Variants in RNF168 observed in about 807,000 individuals in gnomAD.
RNF168 encodes the protein ring finger protein 168, also known as E3 ubiquitin-protein ligase RNF168.
RNF168 carries 34 observed loss-of-function variants against 34.9 expected under a neutral mutation model. The ratio of observed to expected loss-of-function variants is 0.97; its 90% CI spans 0.74 to 1.30. The LOEUF (loss-of-function observed/expected upper bound fraction) is 1.30. RNF168 is among the 50% of genes most tolerant of loss of function. The pLI, the probability that RNF168 is intolerant of heterozygous loss-of-function variation, is 0.00. For missense variants in RNF168, 725 were observed against 682.5 expected (o/e 1.06, Z -0.69); for synonymous variants, 264 against 254.7 (o/e 1.04, Z -0.35).
chr3:196,485,986 G>A (rs1732413237), intron 3 of RNF168, among the ~76,000 whole-genome samples: 1 of 152,110 alleles, frequency 6.6e-6, no homozygotes, highest in Non-Finnish European at 1.5e-5. Context: ...ATGAGAGTTT[G>A]TATTTCAACA....
intron 5 of RNF168, among the ~76,000 whole-genome samples, chr3:196,474,583 G>A (rs144354637): frequency 3.0e-4 from 45 of 152,088 alleles, no homozygotes; most frequent in African/African-American, 1.1e-3. Flanking sequence ...AAGTAGCTGG[G>A]ATTACAGGCA....
rs559838016 is a variant in RNF168 at position 196,472,462 on chromosome 3, G to A, written c.1073C>T (p.Thr358Ile). Reference protein sequence around the residue: ...CGRTESGCAPTSGVTQTNGNN... With the variant: ...CGRTESGCAPISGVTQTNGNN... The stretch of plus-strand genomic sequence containing the variant: ...TCCATTTGTCTGTGTCACCCCTGAT[G>A]TGGGGGCGCACCCACTTTCTGTTCT... The change falls in exon 6 of 6, where the codon ACA becomes ATA. Residue 358 changes from threonine (T) to isoleucine (I), a missense_variant. Thr to Ile is a moderately conservative substitution (Grantham distance 89). Coordinates refer to ENST00000318037, the MANE Select transcript of RNF168 (RefSeq NM_152617.4). 2.5e-6 allele frequency: 4 copies of A among 1,614,152 alleles called. No individual in the cohort carries two copies. Among genetic ancestry groups the A allele is most frequent in the African/African-American group, 2.7e-5 (2 of 75,044 alleles).
Position 196,472,569 on chromosome 3 carries a change from C to G in RNF168, c.966G>C (p.Gly322=). The G allele has an allele frequency of 6.2e-7, 1 of 1,614,242 alleles. No individual in the cohort carries two copies. The highest frequency in any genetic ancestry group is 8.5e-7 in the Non-Finnish European group (1 of 1,180,044). The part of the protein sequence containing the change: ...GNVKTRPSNH[G]KELCVLSHER... ...CGTGACTTAAGACACATAACTCTTT[C>G]CCATGATTGCTTGGTCTTGTTTTGA... The change falls in exon 6 of 6, where the codon GGG becomes GGC. Residue 322 remains glycine (G), a synonymous_variant. Transcript: ENST00000318037.
At chr3:196,487,705 T>A in intron 2 of RNF168, 127 bp from the exon 3 acceptor site, 1 of 909,760 alleles carries the variant, frequency 1.1e-6, no homozygotes. Context: ...TCAAATGAAG[T>A]ACAAATCTGG....
Position 196,503,033 on chromosome 3 carries a change from C to T in RNF168, c.141G>A (p.Ala47=), listed in dbSNP as rs1375077200. 2 of 1,614,104 alleles carry T rather than the reference C, an allele frequency of 1.2e-6. No individual in the cohort carries two copies. The highest frequency in any genetic ancestry group is 1.7e-6 in the Non-Finnish European group (2 of 1,180,016). Residue 47 remains alanine, a synonymous_variant, in exon 1 of 6, where the codon GCG becomes GCA. Coordinates refer to ENST00000318037, the MANE Select transcript of RNF168 (RefSeq NM_152617.4). ...GGCGACAGAAGGGACAGCATAAACT[C>T]GCCTTTTCGACGGTCGACTGGAAGC... The part of the protein sequence containing the change: ...KPCFQSTVEK[A]SLCCPFCRRR...
intron 3 of RNF168, among the ~76,000 whole-genome samples, chr3:196,486,984 C>A (rs11707744): frequency 6.6e-5 from 10 of 152,074 alleles, no homozygotes; most frequent in South Asian, 2.1e-4. Flanking sequence ...GGAGCCCGGC[C>A]GTCGAGGCTG....
At chr3:196,473,279 T>C (rs1212287343) in intron 5 of RNF168, among the ~76,000 whole-genome samples, 2 of 152,224 alleles carry the variant, frequency 1.3e-5, no homozygotes, top group Non-Finnish European at 2.9e-5. Flanking sequence ...ACAGACCACT[T>C]CTGAGAATAA....
At chr3:196,487,690 T>C in intron 2 of RNF168, 112 bp from the exon 3 acceptor site, 1 of 995,064 alleles carries the variant, frequency 1.0e-6, no homozygotes, top group Non-Finnish European at 1.5e-6. Flanking sequence ...GAAATTTAAA[T>C]GATCTCAAAT....
intron 2 of RNF168, 38 bp from the exon 3 acceptor site, chr3:196,487,616 C>T (rs757776252): frequency 6.9e-6 from 11 of 1,586,322 alleles, no homozygotes; most frequent in African/African-American, 4.0e-5. Flanking sequence ...CTTCTCTGAA[C>T]GTTTTGGTAT....
intron 1 of RNF168, among the ~76,000 whole-genome samples, chr3:196,498,992 C>CA (rs1247376784): frequency 0.025 from 3,275 of 132,316 alleles, 103 homozygotes; most frequent in African/African-American, 0.081. Context: ...AAGACTGTCT[C>CA]AAAAAAAAAA....
At chr3:196,502,107 A>G (rs1007269679) in intron 1 of RNF168, among the ~76,000 whole-genome samples, 57 of 145,994 alleles carry the variant, frequency 3.9e-4, no homozygotes, top group Non-Finnish European at 8.1e-4. Context: ...GAACGGAGAC[A>G]CCATATCCTA....
chr3:196,475,487 G>T, intron 4 of RNF168, 175 bp from the exon 5 acceptor site: 1 of 591,602 alleles, frequency 1.7e-6, no homozygotes, highest in Non-Finnish European at 3.1e-6. Context: ...AAACTTAAAT[G>T]ATTGAGTATT....
intron 3 of RNF168, among the ~76,000 whole-genome samples, chr3:196,484,418 C>G (rs1165472634): frequency 6.7e-6 from 1 of 150,246 alleles, no homozygotes; most frequent in African/African-American, 2.5e-5. Context: ...TCATGATCTG[C>G]CTGCCTCGGC....
At chr3:196,476,020 C>T (rs1341772049) in intron 4 of RNF168, among the ~76,000 whole-genome samples, 5 of 151,602 alleles carry the variant, frequency 3.3e-5, no homozygotes, top group African/African-American at 4.8e-5. Flanking sequence ...CCACCACGCC[C>T]GGCTAATTTT....
intron 1 of RNF168, among the ~76,000 whole-genome samples, chr3:196,493,027 A>G (rs1732634399): frequency 6.6e-6 from 1 of 152,200 alleles, no homozygotes; most frequent in African/African-American, 2.4e-5. Context: ...TATGAGATAA[A>G]TTCCAAAACA....
Position 196,502,895 on chromosome 3 carries a change from A to T in RNF168, c.279T>A (p.Ser93=), listed in dbSNP as rs1291372500. 2 of 1,614,038 alleles carry T rather than the reference A, an allele frequency of 1.2e-6. No individual in the cohort carries two copies. The highest frequency in any genetic ancestry group is 1.7e-6 in the Non-Finnish European group (2 of 1,179,992). The stretch of plus-strand genomic sequence containing the variant: ...CACCCACTTCCTCTGATTCTTGGCC[A>T]GACGCTCTAAGCTTGCACTCCCTGG... ...HYPRECKLRA[S]GQESEEVADD... The change falls in exon 1 of 6, where the codon TCT becomes TCA. Residue 93 remains serine (S), a synonymous_variant. Transcript: ENST00000318037.
chr3:196,503,268 G>T lies in RNF168; in HGVS notation c.-95C>A. On this transcript the variant is annotated 5_prime_UTR_variant, in exon 1 of 6. Transcript: ENST00000318037. ...ACAGAGAGAGCAAAAGCAGTTTTGT[G>T]TTTCAGTATTATGCCCAGAAGCGTA... The T allele has an allele frequency of 9.0e-7, 1 of 1,106,612 alleles. No homozygotes were observed. Among genetic ancestry groups the T allele is most frequent in the Non-Finnish European group, 1.4e-6 (1 of 736,394 alleles). The allele number at this position is 1,106,612 out of a possible 1,614,324, so 68.5% of individuals were successfully genotyped here.
rs1477863487 is a variant in RNF168, at chr3:196,469,293, T to G, written c.*2526A>C. 6.6e-6 allele frequency: 1 copy of G among 152,256 alleles called. No individual in the cohort carries two copies. The highest frequency in any genetic ancestry group is 1.5e-5 in the Non-Finnish European group (1 of 68,036). 9.4% of individuals were successfully genotyped at this position (152,256 alleles called of 1,614,324 possible). A position where few individuals can be genotyped will look rare whatever the true frequency, so the allele number is the denominator to read the frequency against. ...TTTTACTTAACGACCCATGTGATAGTATAGTTGCAAGCTATACTTCATTTA... is the reference window on the plus strand; with the variant it reads ...TTTTACTTAACGACCCATGTGATAGGATAGTTGCAAGCTATACTTCATTTA... On this transcript the variant is annotated 3_prime_UTR_variant, in exon 6 of 6. Coordinates refer to ENST00000318037, the MANE Select transcript of RNF168 (RefSeq NM_152617.4).
intron 1 of RNF168, among the ~76,000 whole-genome samples, chr3:196,492,813 A>G (rs566301998): frequency 6.6e-6 from 1 of 152,092 alleles, no homozygotes; most frequent in South Asian, 2.1e-4. Flanking sequence ...AAATAAATAA[A>G]TAGCCCCAAA....
Sources: gnomAD v4.1 joint callset for allele counts (sites outside exome capture counted in the v4.1 genomes callset) on GRCh38, gnomAD v4.1.1 for gene constraint, MANE v1.5 for transcripts, NCBI Gene and HGNC (gene_info 2026-07-23, HGNC 2026-07-21) for gene names.